Variants in IQCH observed in about 807,000 individuals in gnomAD.
IQCH encodes the protein IQ domain-containing protein H.
Under a neutral mutation model 117.0 loss-of-function variants are expected in IQCH, and 98 were observed. The ratio of observed to expected loss-of-function variants is 0.84; its 90% CI spans 0.71 to 0.99. IQCH has a LOEUF of 0.99. Among genes scored for constraint, IQCH ranks in the 50% least tolerant of loss-of-function variants. IQCH has a pLI of 0.00. For missense variants in IQCH, 1,102 were observed against 1,243.8 expected (o/e 0.89, Z 1.72); for synonymous variants, 412 against 448.2 (o/e 0.92, Z 1.02).
chr15:67,283,581 C>T (rs528503221), intron 4 of IQCH, among the ~76,000 whole-genome samples: 3 of 151,780 alleles, frequency 2.0e-5, no homozygotes, highest in South Asian at 4.2e-4. Context: ...GGACCATGTA[C>T]GTTCTGGGGT....
At chr15:67,337,417 T>C (rs374409802) in intron 5 of IQCH, among the ~76,000 whole-genome samples, 29 of 152,300 alleles carry the variant, frequency 1.9e-4, no homozygotes, top group African/African-American at 7.0e-4. Flanking sequence ...AGCAGATCAT[T>C]TTTGATATAT....
chr15:67,380,024 G>A (rs943811972), intron 10 of IQCH, among the ~76,000 whole-genome samples: 3 of 152,092 alleles, frequency 2.0e-5, no homozygotes, highest in Admixed American at 6.5e-5. Context: ...AGCTAATTTT[G>A]TATTTTTAGT....
rs377612267 is a variant in IQCH at position 67,395,320 on chromosome 15, G to A, written c.1662G>A (p.Leu554=). Residue 554 remains leucine (L), a synonymous_variant, in exon 13 of 21, where the codon CTG becomes CTA. Coordinates refer to ENST00000335894, the MANE Select transcript of IQCH (RefSeq NM_001031715.3). The surrounding 1 kb of genome is among the most constrained non-coding windows in gnomAD (Gnocchi z 4.0). ...ATCATATGTGCCTGGCCACTCACCT[G>A]ATGTACAGTCCCAAGGCAATCAAAA... The part of the protein sequence containing the change: ...PKHHMCLATH[L]MYSPKAIKRI... The A allele has an allele frequency of 6.0e-5, 97 of 1,613,944 alleles. No homozygotes were observed. The East Asian group carries it at 1.2e-3, about 20-fold the overall frequency.
chr15:67,323,939 C>CTTTT (rs530534537), intron 4 of IQCH, among the ~76,000 whole-genome samples: 10 of 64,302 alleles, frequency 1.6e-4, no homozygotes, highest in Admixed American at 2.1e-4. Context: ...TTAAGCATTT[C>CTTTT]TTTTTTTTTT....
intron 4 of IQCH, among the ~76,000 whole-genome samples, chr15:67,316,970 A>G (rs374814430): frequency 3.3e-5 from 5 of 152,200 alleles, no homozygotes; most frequent in African/African-American, 1.2e-4. Context: ...TCTGAGGCAG[A>G]AGTAAAAGAT....
rs1419667714 is a variant in IQCH, at chr15:67,458,103, C to T, written c.2506-7024C>T. 6.6e-6 allele frequency among the ~76,000 whole-genome samples: 1 copy of T among 152,222 alleles called. No individual in the cohort carries two copies. The highest frequency in any genetic ancestry group is 2.4e-5 in the African/African-American group (1 of 41,442). On this transcript the variant is annotated intron_variant, in intron 16 of 20. Coordinates refer to ENST00000335894, the MANE Select transcript of IQCH (RefSeq NM_001031715.3). The surrounding 1 kb of genome is among the most constrained non-coding windows in gnomAD (Gnocchi z 4.1). ...TTTATCCCTAGAGCCTAGCCATGCA[C>T]ATCCTCCTGATTTTACAGCTGCAAA...
At chr15:67,354,474 G>A (rs1969801937) in intron 6 of IQCH, among the ~76,000 whole-genome samples, 2 of 152,128 alleles carry the variant, frequency 1.3e-5, no homozygotes, top group African/African-American at 4.8e-5. Flanking sequence ...ATCAACCAAA[G>A]CCCTAGAGCA....
intron 1 of IQCH, among the ~76,000 whole-genome samples, chr15:67,256,589 G>A (rs897613576): frequency 2.0e-5 from 3 of 152,182 alleles, no homozygotes; most frequent in Non-Finnish European, 2.9e-5. Context: ...AGCCAGGAGC[G>A]AAGACTGGAC....
chr15:67,341,735 G>A (rs1477086577), intron 5 of IQCH, among the ~76,000 whole-genome samples: 1 of 152,090 alleles, frequency 6.6e-6, no homozygotes, highest in African/African-American at 2.4e-5. Flanking sequence ...TTAAGTGAGG[G>A]AGCTAGTAAG....
Position 67,263,116 on chromosome 15 carries a change from TA to T in IQCH, c.175-4del. 1 of 1,413,766 alleles carries T rather than the reference TA, an allele frequency of 7.1e-7. No homozygotes were observed. The highest frequency in any genetic ancestry group is 1.7e-5 in the Admixed American group (1 of 58,912). The allele number at this position is 1,413,766 out of a possible 1,614,324, so 87.6% of individuals were successfully genotyped here. On this transcript the variant is annotated splice_region_variant and splice_polypyrimidine_tract_variant and intron_variant, in intron 2 of 20. Transcript: ENST00000335894. The stretch of plus-strand genomic sequence containing the variant: ...AATTGCCTAAACTTTGACATTTCTG[TA>T]ACAGATTCACATTGAGAAGTATTTA...
chr15:67,344,311 C>G, intron 6 of IQCH, 120 bp downstream of exon 6: 2 of 761,028 alleles, frequency 2.6e-6, no homozygotes, highest in Non-Finnish European at 4.1e-6. Context: ...AAGTTGTAAT[C>G]ATCCTGAGTT....
intron 1 of IQCH, among the ~76,000 whole-genome samples, chr15:67,258,686 C>T (rs1342682671): frequency 6.6e-6 from 1 of 152,126 alleles, no homozygotes; most frequent in Admixed American, 6.5e-5. Context: ...CAAATCTTTG[C>T]TGCATTAAAT....
At chr15:67,449,711 C>G (rs1053073356) in intron 16 of IQCH, among the ~76,000 whole-genome samples, 1 of 152,130 alleles carries the variant, frequency 6.6e-6, no homozygotes, top group African/African-American at 2.4e-5. Context: ...CATGTGGGCT[C>G]TTTTTGGGTT....
chr15:67,448,180 T>TGTAA (rs397689617), intron 16 of IQCH, among the ~76,000 whole-genome samples: 4 of 150,860 alleles, frequency 2.7e-5, no homozygotes, highest in Non-Finnish European at 5.9e-5. Flanking sequence ...TGTGTGTGTG[T>TGTAA]AACAGCTTTA....
chr15:67,328,660 G>A (rs7496061), intron 4 of IQCH, among the ~76,000 whole-genome samples: 151,631 of 152,314 alleles, frequency 1, 75,482 homozygotes, highest in Non-Finnish European at 1. Context: ...GTGAGGCTCA[G>A]GTCTTACTGA....
At chr15:67,295,202 ACCT>A (rs1966844984) in intron 4 of IQCH, among the ~76,000 whole-genome samples, 1 of 152,042 alleles carries the variant, frequency 6.6e-6, no homozygotes, top group South Asian at 2.1e-4. Context: ...GATGAGTGCC[ACCT>A]CATTTTTTGT....
chr15:67,500,421 A>C lies in IQCH; in HGVS notation c.2971-212A>C, dbSNP rs549418649. Reference sequence around the variant, plus strand: ...TTATTATTAGACATAATAGGCATAAAAATTCTAAAAAGTTTTCCAAATTCT... The same window carrying C: ...TTATTATTAGACATAATAGGCATAACAATTCTAAAAAGTTTTCCAAATTCT... On this transcript the variant is annotated intron_variant, in intron 20 of 20. Transcript: ENST00000335894. This position sits in a 1 kb window ranked among gnomAD's most constrained non-coding sequence, Gnocchi z 4.4. 6.6e-6 allele frequency among the ~76,000 whole-genome samples: 1 copy of C among 152,334 alleles called. No individual in the cohort carries two copies. Among genetic ancestry groups the C allele is most frequent in the African/African-American group, 2.4e-5 (1 of 41,588 alleles).
chr15:67,394,044 T>C (rs887048462), intron 12 of IQCH, among the ~76,000 whole-genome samples: 2 of 152,148 alleles, frequency 1.3e-5, no homozygotes, highest in Admixed American at 6.6e-5. Flanking sequence ...GTGATAGAGC[T>C]GAATTCAAAG....
At position 67,403,013 on chromosome 15, in the gene IQCH, C is replaced by T. The variant is rs1971728470; in HGVS notation, c.2097+2708C>T. Among the ~76,000 whole-genome samples, 1 of 152,100 alleles carries T rather than the reference C, an allele frequency of 6.6e-6. No individual in the cohort carries two copies. Among genetic ancestry groups the T allele is most frequent in the African/African-American group, 2.4e-5 (1 of 41,432 alleles). On this transcript the variant is annotated intron_variant, in intron 14 of 20. Transcript: ENST00000335894. The surrounding 1 kb of genome is among the most constrained non-coding windows in gnomAD (Gnocchi z 4.8). ...CTGTAATCCTAGCACTCTGGGAGGC[C>T]AAGGCGGGTGAATCACCTGAGGTCA...
Sources: allele counts gnomAD v4.1 joint callset (sites outside exome capture counted in the v4.1 genomes callset), GRCh38; gene constraint gnomAD v4.1.1; non-coding constraint Gnocchi (gnomAD v3.1); transcripts MANE v1.5; gene names NCBI Gene and HGNC (gene_info 2026-07-23, HGNC 2026-07-21).